MDGA2: variants seen among roughly 807,000 people sequenced by gnomAD.
The protein encoded by MDGA2 is MAM domain-containing glycosylphosphatidylinositol anchor protein 2.
Under a neutral mutation model 117.8 loss-of-function variants are expected in MDGA2, and 40 were observed. That is an observed-to-expected ratio of 0.34 (90% CI 0.26 to 0.44). The LOEUF (loss-of-function observed/expected upper bound fraction) is 0.44. Ranked by LOEUF, MDGA2 falls within the 20% of genes least tolerant of loss-of-function variation. The pLI is 1.00. For missense variants in MDGA2, 1,123 were observed against 1,250.6 expected, an observed-to-expected ratio of 0.90 and a Z score of 1.54; for synonymous variants, 452 against 439.0, an observed-to-expected ratio of 1.03 and a Z score of -0.37.
chr14:46,914,000 CCTA>C (rs1256366886), intron 10 of MDGA2, among the ~76,000 whole-genome samples: 1 of 151,734 alleles, frequency 6.6e-6, no homozygotes, highest in African/African-American at 2.4e-5. Context: ...AATAAAATAT[CCTA>C]CTTTCCAAAG....
rs374346490 is a variant in MDGA2, at chr14:47,268,421, T to C, written c.420+32990A>G. ...GGCAAATTCATTATAAAAATAATTTTGAAAAATTTATTTTAAAAAGAATGA... is the reference window on the plus strand; with the variant it reads ...GGCAAATTCATTATAAAAATAATTTCGAAAAATTTATTTTAAAAAGAATGA... On this transcript the variant is annotated intron_variant, in intron 2 of 16. Coordinates refer to ENST00000399232, the MANE Select transcript of MDGA2 (RefSeq NM_001113498.3). 9.2e-5 allele frequency among the ~76,000 whole-genome samples: 14 copies of C among 152,230 alleles called. No individual in the cohort carries two copies. The East Asian group carries it at 1.9e-3, about 21-fold the overall frequency.
chr14:46,842,047 A>T, intron 16 of MDGA2, 28 bp from the exon 17 acceptor site: 1 of 1,523,710 alleles, frequency 6.6e-7, no homozygotes, highest in Non-Finnish European at 9.1e-7. Flanking sequence ...AAATGCAAAC[A>T]AAAAAAGAAG....
At chr14:47,240,084 G>A (rs1886989924) in intron 2 of MDGA2, among the ~76,000 whole-genome samples, 1 of 151,520 alleles carries the variant, frequency 6.6e-6, no homozygotes, top group African/African-American at 2.4e-5. Flanking sequence ...TTGCTCTGTT[G>A]CCCAGGCTGG....
intron 1 of MDGA2, among the ~76,000 whole-genome samples, chr14:47,349,268 C>T (rs1300194999): frequency 6.6e-6 from 1 of 152,150 alleles, no homozygotes; most frequent in Admixed American, 6.6e-5. Flanking sequence ...AGTCCAAATG[C>T]CTCTTTTTCG....
intron 5 of MDGA2, among the ~76,000 whole-genome samples, chr14:47,115,429 A>G (rs1162981068): frequency 6.6e-6 from 1 of 152,036 alleles, no homozygotes; most frequent in Non-Finnish European, 1.5e-5. Context: ...GGCCTTCCCT[A>G]AGAAACCCGA....
At chr14:47,470,435 G>C (rs1316577805) in intron 1 of MDGA2, among the ~76,000 whole-genome samples, 1 of 152,078 alleles carries the variant, frequency 6.6e-6, no homozygotes, top group African/African-American at 2.4e-5. Flanking sequence ...TCCCTGCAAA[G>C]GGCATGAACT....
At chr14:47,000,333 T>G (rs868039500) in intron 8 of MDGA2, among the ~76,000 whole-genome samples, 2 of 128,668 alleles carry the variant, frequency 1.6e-5, no homozygotes, top group Non-Finnish European at 1.6e-5. Context: ...ATATATATAT[T>G]TATATATATA....
intron 3 of MDGA2, among the ~76,000 whole-genome samples, chr14:47,162,435 A>G (rs957677668): frequency 3.3e-5 from 5 of 152,136 alleles, no homozygotes; most frequent in Non-Finnish European, 5.9e-5. Context: ...TTAATAACCT[A>G]TAGATATTAT....
chr14:47,218,825 T>C (rs1886195862), intron 2 of MDGA2, among the ~76,000 whole-genome samples: 1 of 152,144 alleles, frequency 6.6e-6, no homozygotes, highest in Non-Finnish European at 1.5e-5. Flanking sequence ...TAAAAAATAA[T>C]GTAAACTTTT....
At chr14:47,105,248 G>T (rs147626595) in intron 5 of MDGA2, among the ~76,000 whole-genome samples, 4 of 151,676 alleles carry the variant, frequency 2.6e-5, no homozygotes, top group Admixed American at 6.6e-5. Context: ...GCTTATTTCC[G>T]CACCCCAACC....
intron 1 of MDGA2, 141 bp from the exon 2 acceptor site, chr14:47,301,691 C>A: frequency 1.3e-6 from 1 of 787,880 alleles, no homozygotes; most frequent in East Asian, 2.7e-5. Context: ...CTTAACACCT[C>A]CCCAAGGCAT....
chr14:47,505,745 G>C (rs1474139275), intron 1 of MDGA2, among the ~76,000 whole-genome samples: 1 of 152,048 alleles, frequency 6.6e-6, no homozygotes, highest in Non-Finnish European at 1.5e-5. Context: ...AATTTGAATT[G>C]AAATCCAGAG....
intron 14 of MDGA2, among the ~76,000 whole-genome samples, chr14:46,856,785 G>A (rs1159087829): frequency 1.3e-5 from 2 of 150,698 alleles, no homozygotes; most frequent in Non-Finnish European, 3.0e-5. Context: ...ATTTTTTTCA[G>A]GATTTATAAA....
intron 8 of MDGA2, among the ~76,000 whole-genome samples, chr14:47,018,441 C>T (rs71418125): frequency 1.3e-5 from 2 of 152,158 alleles, no homozygotes; most frequent in East Asian, 3.9e-4. Context: ...GTATCTCTTT[C>T]TTTTACTTCC....
chr14:47,494,804 T>C (rs1380857819), intron 1 of MDGA2, among the ~76,000 whole-genome samples: 3 of 151,572 alleles, frequency 2.0e-5, no homozygotes, highest in Admixed American at 1.3e-4. Flanking sequence ...GTATATTTTT[T>C]CACTTTGTCA....
intron 7 of MDGA2, among the ~76,000 whole-genome samples, chr14:47,047,568 G>A (rs546438658): frequency 1.9e-4 from 29 of 152,070 alleles, no homozygotes; most frequent in African/African-American, 6.5e-4. Flanking sequence ...GAGCATAATC[G>A]TACCTACTTC....
At chr14:47,236,362 C>T (rs117836060) in intron 2 of MDGA2, among the ~76,000 whole-genome samples, 1,592 of 150,358 alleles carry the variant, frequency 0.011, 12 homozygotes, top group Middle Eastern at 0.021. Context: ...TTTTCCAAGA[C>T]CAAAGCTGAA....
intron 1 of MDGA2, among the ~76,000 whole-genome samples, chr14:47,605,172 T>C (rs964889881): frequency 6.6e-6 from 1 of 152,210 alleles, no homozygotes; most frequent in African/African-American, 2.4e-5. Context: ...GGTTTATTTA[T>C]TTGCCTTTGG....
chr14:47,098,981 T>C (rs931630043), intron 5 of MDGA2, among the ~76,000 whole-genome samples: 8 of 151,970 alleles, frequency 5.3e-5, no homozygotes, highest in African/African-American at 7.2e-5. Context: ...ATCACTGTTC[T>C]AACTATAATA....
Sources: gnomAD v4.1 joint callset for allele counts (sites outside exome capture counted in the v4.1 genomes callset) on GRCh38, gnomAD v4.1.1 for gene constraint, MANE v1.5 for transcripts, NCBI Gene and HGNC (gene_info 2026-07-23, HGNC 2026-07-21) for gene names.